Variants in AKR1C4 observed in about 807,000 individuals in gnomAD.
AKR1C4 encodes the protein aldo-keto reductase family 1 member C4.
Under a neutral mutation model 41.0 loss-of-function variants are expected in AKR1C4, and 44 were observed. The observed-to-expected ratio is 1.07, with a 90% confidence interval of 0.84 to 1.38. The LOEUF (loss-of-function observed/expected upper bound fraction) is 1.38, where lower values mean the gene tolerates loss of function less well. AKR1C4 is among the 40% of genes most tolerant of loss of function. The pLI is 0.00. For synonymous variants in AKR1C4, 165 were observed against 137.7 expected (o/e 1.20, Z -1.39); for missense variants, 438 against 387.9 (o/e 1.13, Z -1.09).
At chr10:5,206,815 GAGA>G (rs1245877207) in intron 5 of AKR1C4, among the ~76,000 whole-genome samples, 2 of 152,198 alleles carry the variant, frequency 1.3e-5, no homozygotes, top group African/African-American at 4.8e-5. Context: ...GTGAGAATAA[GAGA>G]AGATCGGTAC....
At chr10:5,218,678 C>A (rs782742383) in intron 8 of AKR1C4, 40 bp from the exon 9 acceptor site, 51 of 1,503,332 alleles carry the variant, frequency 3.4e-5, no homozygotes, top group Middle Eastern at 1.7e-4. Context: ...TTAATAGAGT[C>A]ATTTCATCCA....
chr10:5,207,381 C>A, intron 5 of AKR1C4: 5 of 309,782 alleles, frequency 1.6e-5, no homozygotes, highest in South Asian at 6.3e-5. Flanking sequence ...CTTTTCACTC[C>A]TGAGATGTAG....
chr10:5,211,323 T>C (rs1392998922), intron 5 of AKR1C4, among the ~76,000 whole-genome samples: 1 of 152,262 alleles, frequency 6.6e-6, no homozygotes, highest in Non-Finnish European at 1.5e-5. Context: ...CTGCAAGTTT[T>C]CTGAACGTTT....
At chr10:5,204,732 C>A in intron 3 of AKR1C4, 1 of 615,348 alleles carries the variant, frequency 1.6e-6, no homozygotes, top group Non-Finnish European at 3.0e-6. Context: ...AAAATAACAA[C>A]AGCCACCTTC....
intron 2 of AKR1C4, 102 bp from the exon 3 acceptor site, chr10:5,204,275 A>C (rs1211381476): frequency 2.3e-6 from 2 of 883,602 alleles, no homozygotes; most frequent in Non-Finnish European, 3.6e-6. Flanking sequence ...GCCAGAGGTC[A>C]TCTGTTTGGA....
chr10:5,205,738 G>A lies in AKR1C4; in HGVS notation c.370-19G>A, dbSNP rs7921838. On this transcript the variant is annotated intron_variant, in intron 3 of 8. Transcript: ENST00000263126. ...GGAAAAGTTAAATGGTGACACTAAAGTGACTGCTTCTACTTCAGCCAGGTG... is the reference window on the plus strand; with the variant it reads ...GGAAAAGTTAAATGGTGACACTAAAATGACTGCTTCTACTTCAGCCAGGTG... 0.14 allele frequency: 226,497 copies of A among 1,609,042 alleles called. 17,075 individuals carry two copies. Among genetic ancestry groups the A allele is most frequent in the Admixed American group, 0.19 (11,462 of 59,556 alleles).
intron 3 of AKR1C4, among the ~76,000 whole-genome samples, chr10:5,204,827 A>C (rs1832460296): frequency 1.3e-5 from 2 of 152,190 alleles, no homozygotes; most frequent in Admixed American, 1.3e-4. Context: ...GGTACCCCAA[A>C]AAAACTGCTG....
intron 1 of AKR1C4, among the ~76,000 whole-genome samples, chr10:5,197,199 G>A (rs1368624335): frequency 6.6e-6 from 1 of 152,180 alleles, no homozygotes; most frequent in Non-Finnish European, 1.5e-5. Flanking sequence ...CTGTTTCTGT[G>A]TATTGCCCAG....
At chr10:5,200,860 T>C (rs1832390642) in intron 2 of AKR1C4, among the ~76,000 whole-genome samples, 1 of 152,186 alleles carries the variant, frequency 6.6e-6, no homozygotes, top group Non-Finnish European at 1.5e-5. Context: ...ATGTACAGTG[T>C]TTGGTTTTCC....
Position 5,204,386 on chromosome 10 carries a change from ACTTT to A in AKR1C4, c.268_271del (p.Phe90AsnfsTer13), listed in dbSNP as rs1339065047. 3.1e-6 allele frequency: 5 copies of A among 1,613,030 alleles called. No individual in the cohort carries two copies. Among genetic ancestry groups the A allele is most frequent in the Non-Finnish European group, 4.2e-6 (5 of 1,179,228 alleles). On this transcript the variant is annotated frameshift_variant, in exon 3 of 9. Coordinates refer to ENST00000263126, the MANE Select transcript of AKR1C4 (RefSeq NM_001818.5). LOFTEE classifies it high-confidence loss of function. ...TTATTTTACCATGCAGCTTTGGTGCACTTTCTTTCAACCACAGATGGTCCAACCA... is the reference window on the plus strand; with the variant it reads ...TTATTTTACCATGCAGCTTTGGTGCACTTTCAACCACAGATGGTCCAACCA...
At chr10:5,201,435 C>A (rs555953282) in intron 2 of AKR1C4, among the ~76,000 whole-genome samples, 2 of 152,040 alleles carry the variant, frequency 1.3e-5, no homozygotes, top group Non-Finnish European at 1.5e-5. Flanking sequence ...GTTATTTGCC[C>A]ACTTTTCAAC....
At chr10:5,199,338 G>A (rs1832360734) in intron 1 of AKR1C4, among the ~76,000 whole-genome samples, 1 of 151,962 alleles carries the variant, frequency 6.6e-6, no homozygotes, top group Admixed American at 6.6e-5. Flanking sequence ...GATACAGAAA[G>A]CGGGAAGGGA....
intron 3 of AKR1C4, 188 bp downstream of exon 3, chr10:5,204,681 AC>A: frequency 1.3e-6 from 1 of 742,362 alleles, no homozygotes; most frequent in Non-Finnish European, 2.5e-6. Context: ...ACAAGAGAAG[AC>A]AGTACATCAA....
chr10:5,208,173 T>A (rs782260480), intron 5 of AKR1C4, among the ~76,000 whole-genome samples: 1 of 151,588 alleles, frequency 6.6e-6, no homozygotes, highest in Non-Finnish European at 1.5e-5. Flanking sequence ...ACTGTCCACA[T>A]CTTATTCTGA....
Position 5,212,693 on chromosome 10 carries a change from C to T in AKR1C4, c.648C>T (p.His216=). ...CAAAAGACATTGTTCTGGTTGCCCA[C>T]AGTGCTCTGGGAACCCAACGACATA... ...CKSKDIVLVA[H]SALGTQRHKL... The change falls in exon 6 of 9, where the codon CAC becomes CAT. Residue 216 remains histidine, a synonymous_variant. Transcript: ENST00000263126. 6.2e-7 allele frequency: 1 copy of T among 1,613,978 alleles called. No homozygotes were observed. The highest frequency in any genetic ancestry group is 8.5e-7 in the Non-Finnish European group (1 of 1,179,970).
At position 5,205,808 on chromosome 10, in the gene AKR1C4, A is replaced by C. The variant is rs1554797425; in HGVS notation, c.421A>C (p.Thr141Pro). The C allele has an allele frequency of 6.2e-7, 1 of 1,613,576 alleles. No homozygotes were observed. Among genetic ancestry groups the C allele is most frequent in the Non-Finnish European group, 8.5e-7 (1 of 1,179,614 alleles). The change falls in exon 4 of 9, where the codon ACA (threonine) becomes CCA (proline). Residue 141 changes from threonine (T) to proline (P), a missense_variant. Transcript: ENST00000263126. Reference sequence around the variant, plus strand: ...TGAAAATGGAAAAGTAATATTCGACACAGTGGATCTCTCTGCCACATGGGA... The same window carrying C: ...TGAAAATGGAAAAGTAATATTCGACCCAGTGGATCTCTCTGCCACATGGGA... ...KDENGKVIFDTVDLSATWEVM... is the reference protein window; with the variant it reads ...KDENGKVIFDPVDLSATWEVM...
rs1166384048 is a variant in AKR1C4, at chr10:5,200,187, A to C, written c.91A>C (p.Arg31=). The C allele has an allele frequency of 6.2e-7, 1 of 1,610,806 alleles. No homozygotes were observed. Among genetic ancestry groups the C allele is most frequent in the African/African-American group, 1.3e-5 (1 of 74,864 alleles). Residue 31 remains arginine (R), a synonymous_variant, in exon 2 of 9, where the codon AGG becomes CGG. Coordinates refer to ENST00000263126, the MANE Select transcript of AKR1C4 (RefSeq NM_001818.5). ...FGTYAPPEVP[R]NRAVEVTKLA... ...CCTTTCGTTGCTCCTTCAGGTTCCGAGGAACAGAGCTGTAGAGGTCACCAA... is the reference window on the plus strand; with the variant it reads ...CCTTTCGTTGCTCCTTCAGGTTCCGCGGAACAGAGCTGTAGAGGTCACCAA...
intron 3 of AKR1C4, among the ~76,000 whole-genome samples, chr10:5,205,297 T>C (rs1231211343): frequency 6.6e-6 from 1 of 152,198 alleles, no homozygotes; most frequent in Non-Finnish European, 1.5e-5. Context: ...CTTACAACTT[T>C]CAAATTAATA....
intron 5 of AKR1C4, among the ~76,000 whole-genome samples, chr10:5,206,763 A>G (rs1832494784): frequency 8.1e-6 from 1 of 123,312 alleles, no homozygotes; most frequent in Non-Finnish European, 1.7e-5. Flanking sequence ...ATATAATTAT[A>G]GAGGCCATAA....
Sources: allele counts gnomAD v4.1 joint callset (sites outside exome capture counted in the v4.1 genomes callset), GRCh38; gene constraint gnomAD v4.1.1; transcripts MANE v1.5; gene names NCBI Gene and HGNC (gene_info 2026-07-23, HGNC 2026-07-21).